The following ARID5B variants were observed in gnomAD, a reference collection of about 807,000 sequenced individuals.
The protein encoded by ARID5B is AT-rich interactive domain-containing protein 5B.
Under a neutral mutation model 97.2 loss-of-function variants are expected in ARID5B, and 13 were observed. The observed-to-expected ratio is 0.13, with a 90% confidence interval of 0.09 to 0.21. The LOEUF (loss-of-function observed/expected upper bound fraction) is 0.21, where lower values mean the gene tolerates loss of function less well. Ranked by LOEUF, ARID5B falls within the 10% of genes least tolerant of loss-of-function variation. ARID5B has a pLI of 1.00. For missense variants in ARID5B, 1,210 were observed against 1,465.3 expected (o/e 0.83, Z 2.84); for synonymous variants, 556 against 570.3 (o/e 0.97, Z 0.36).
chr10:62,014,822 A>T (rs987421287), intron 4 of ARID5B, among the ~76,000 whole-genome samples: 1 of 152,230 alleles, frequency 6.6e-6, no homozygotes, highest in Non-Finnish European at 1.5e-5. Flanking sequence ...GAACAATGTC[A>T]TTAGCAAAAA....
intron 7 of ARID5B, among the ~76,000 whole-genome samples, chr10:62,062,138 G>T (rs1057432526): frequency 3.3e-5 from 5 of 152,164 alleles, no homozygotes; most frequent in African/African-American, 1.2e-4. Context: ...GATGTTCAAT[G>T]GGCATTGAAT....
At chr10:61,975,839 G>T (rs546328411) in intron 3 of ARID5B, among the ~76,000 whole-genome samples, 1 of 152,072 alleles carries the variant, frequency 6.6e-6, no homozygotes, top group Non-Finnish European at 1.5e-5. Flanking sequence ...AATAATTTTT[G>T]TATATTAATA....
At position 62,091,934 on chromosome 10, in the gene ARID5B, T is replaced by C. The variant is rs1269407329; in HGVS notation, c.2471T>C (p.Met824Thr). ...AAAAGGGCCCTCCCCCATTCCCACA[T>C]GCCTAGCTTCCTGGCTGACTTCTAC... ...LEKRALPHSHMPSFLADFYSS... is the reference protein window; with the variant it reads ...LEKRALPHSHTPSFLADFYSS... Residue 824 changes from methionine (M) to threonine (T), a missense_variant, in exon 10 of 10, where the codon ATG becomes ACG. By Grantham distance (81) the Met-to-Thr change is moderately conservative. Around this residue, in one of 8 missense-constraint regions of ARID5B, gnomAD observed 800 missense variants for 839.1 expected, o/e 0.95. Transcript: ENST00000279873. 8 of 1,613,556 alleles carry C rather than the reference T, an allele frequency of 5.0e-6. No homozygotes were observed. In the South Asian group the frequency reaches 7.7e-5, roughly 16 times the overall value.
chr10:61,939,715 T>A (rs557071664), intron 2 of ARID5B, among the ~76,000 whole-genome samples: 1 of 152,208 alleles, frequency 6.6e-6, no homozygotes, highest in East Asian at 1.9e-4. Context: ...CAAGGGAAAA[T>A]GTACCATAAA....
At position 62,091,136 on chromosome 10, in the gene ARID5B, G is replaced by C; in HGVS notation, c.1673G>C (p.Gly558Ala). ...APEKDSALVP[G>A]ASKQPLTSPS... ...GAAAAAGATTCAGCCTTGGTCCCTG[G>C]GGCCAGCAAACAGCCACTCACCTCT... Residue 558 changes from glycine to alanine, a missense_variant, in exon 10 of 10, where the codon GGG becomes GCG. Coordinates refer to ENST00000279873, the MANE Select transcript of ARID5B (RefSeq NM_032199.3). The C allele has an allele frequency of 3.1e-6, 5 of 1,614,098 alleles. No individual in the cohort carries two copies. The highest frequency in any genetic ancestry group is 4.2e-6 in the Non-Finnish European group (5 of 1,180,026).
At chr10:62,062,554 C>CT (rs1839934263) in intron 7 of ARID5B, among the ~76,000 whole-genome samples, 2 of 152,142 alleles carry the variant, frequency 1.3e-5, no homozygotes, top group African/African-American at 4.8e-5. Context: ...TGACCCCTAT[C>CT]TAAGTCAAGT....
chr10:61,930,491 C>T (rs909307818), intron 2 of ARID5B, among the ~76,000 whole-genome samples: 4 of 151,882 alleles, frequency 2.6e-5, no homozygotes, highest in African/African-American at 7.3e-5. Flanking sequence ...GAGGGCGAGG[C>T]GGGCGGATCA....
At chr10:62,049,461 C>G (rs760484882) in intron 4 of ARID5B, 1 of 1,550,492 alleles carries the variant, frequency 6.4e-7, no homozygotes. Flanking sequence ...ATCAGTCAGG[C>G]AGATGTTTGT....
chr10:61,981,561 C>T (rs913330025), intron 3 of ARID5B, among the ~76,000 whole-genome samples: 3 of 152,156 alleles, frequency 2.0e-5, no homozygotes, highest in Non-Finnish European at 4.4e-5. Context: ...GGATTATAGG[C>T]ATGAGTCACC....
At chr10:62,058,464 C>A (rs529607012) in intron 6 of ARID5B, among the ~76,000 whole-genome samples, 1 of 152,288 alleles carries the variant, frequency 6.6e-6, no homozygotes, top group South Asian at 2.1e-4. Flanking sequence ...AAATCCATAG[C>A]AGTCCCATTC....
chr10:62,050,330 T>A (rs886064489), intron 4 of ARID5B, among the ~76,000 whole-genome samples: 1 of 152,250 alleles, frequency 6.6e-6, no homozygotes, highest in Non-Finnish European at 1.5e-5. Context: ...AGTAAATATA[T>A]GTAATAATGT....
chr10:61,987,150 C>T (rs1204351184), intron 3 of ARID5B, among the ~76,000 whole-genome samples: 4 of 152,156 alleles, frequency 2.6e-5, no homozygotes, highest in Admixed American at 6.5e-5. Context: ...TTCCCACATG[C>T]GATCTGTTAG....
At chr10:62,072,925 G>C (rs1281663861) in intron 8 of ARID5B, among the ~76,000 whole-genome samples, 3 of 152,184 alleles carry the variant, frequency 2.0e-5, no homozygotes, top group Non-Finnish European at 4.4e-5. Context: ...CTGAAGCTCT[G>C]GGCTAAAACT....
chr10:61,914,030 C>T (rs987870214), intron 2 of ARID5B, among the ~76,000 whole-genome samples: 1 of 152,172 alleles, frequency 6.6e-6, no homozygotes, highest in African/African-American at 2.4e-5. Context: ...GGATTACAGG[C>T]GTGAGCTACC....
chr10:62,010,380 T>C (rs1216284309), intron 4 of ARID5B, among the ~76,000 whole-genome samples: 2 of 152,262 alleles, frequency 1.3e-5, no homozygotes, highest in Non-Finnish European at 2.9e-5. Context: ...TTAAAGTTAA[T>C]GGCTTCAGTT....
In ARID5B at chr10:62,092,515, G is replaced by A. The variant is rs1406382655; in HGVS notation, c.3052G>A (p.Asp1018Asn). The change falls in exon 10 of 10, where the codon GAT becomes AAT. Residue 1018 changes from aspartate (D) to asparagine (N), a missense_variant. Asp to Asn is a conservative substitution (Grantham distance 23). Around this residue, in one of 8 missense-constraint regions of ARID5B, gnomAD observed 800 missense variants for 839.1 expected, o/e 0.95. Coordinates refer to ENST00000279873, the MANE Select transcript of ARID5B (RefSeq NM_032199.3). ...AARPIKRSLE[D>N]LDLVIAGKKA... ...GCGGCCGATCAAGCGCAGCCTGGAG[G>A]ATTTGGACCTTGTGATTGCAGGGAA... is the stretch of plus-strand genomic sequence containing the variant. 1 of 1,614,226 alleles carries A rather than the reference G, an allele frequency of 6.2e-7. No homozygotes were observed. Among genetic ancestry groups the A allele is most frequent in the South Asian group, 1.1e-5 (1 of 91,084 alleles).
intron 4 of ARID5B, among the ~76,000 whole-genome samples, chr10:62,017,431 A>G (rs1020888669): frequency 1.3e-5 from 2 of 151,978 alleles, no homozygotes; most frequent in African/African-American, 4.8e-5. Flanking sequence ...CAGCCTGGGC[A>G]ACAGAGCGAG....
At chr10:61,944,380 A>G (rs765395863) in intron 3 of ARID5B, among the ~76,000 whole-genome samples, 4 of 152,152 alleles carry the variant, frequency 2.6e-5, no homozygotes, top group Non-Finnish European at 5.9e-5. Flanking sequence ...CTTGATACCC[A>G]TATTTGGTAT....
chr10:61,908,430 T>A (rs928934258), intron 2 of ARID5B, among the ~76,000 whole-genome samples: 2 of 152,150 alleles, frequency 1.3e-5, no homozygotes, highest in Non-Finnish European at 2.9e-5. Context: ...AACCATCATG[T>A]TTTTTGGAAA....
Sources: allele counts gnomAD v4.1 joint callset (sites outside exome capture counted in the v4.1 genomes callset), GRCh38; gene constraint gnomAD v4.1.1; regional missense constraint gnomAD v4.1.1; transcripts MANE v1.5; gene names NCBI Gene and HGNC (gene_info 2026-07-23, HGNC 2026-07-21).